Variants in MTRES1 observed in about 807,000 individuals in gnomAD.
MTRES1 encodes the protein mitochondrial transcription rescue factor 1.
MTRES1 carries 11 observed loss-of-function variants against 17.4 expected under a neutral mutation model. The ratio of observed to expected loss-of-function variants is 0.63; its 90% CI spans 0.40 to 1.05. The LOEUF (loss-of-function observed/expected upper bound fraction) is 1.05, where lower values mean the gene tolerates loss of function less well. Ranked by LOEUF, MTRES1 falls within the 50% of genes least tolerant of loss-of-function variation. The probability of loss-of-function intolerance (pLI) is 0.00; values close to 1 mark genes in which losing one functional copy is unlikely to be tolerated. For synonymous variants in MTRES1, 94 were observed against 99.6 expected (o/e 0.94, Z 0.34); for missense variants, 268 against 276.2 (o/e 0.97, Z 0.21).
Position 107,051,132 on chromosome 6 carries a change from C to A in MTRES1, c.619C>A (p.Leu207Ile). The A allele has an allele frequency of 6.2e-7, 1 of 1,613,800 alleles. No individual in the cohort carries two copies. ...EAGTETVMRI[L>I]LKKVFEEKTE... ...AGGAACAGAGACAGTTATGCGGATT[C>A]TCTTGAAAAAAGTGTTTGAAGAGAA... Residue 207 changes from leucine (L) to isoleucine (I), a missense_variant, in exon 4 of 4, where the codon CTC becomes ATC. Transcript: ENST00000311381.
At chr6:107,028,475 C>T (rs1318156734) in intron 1 of MTRES1, 1 of 152,388 alleles carries the variant, frequency 6.6e-6, no homozygotes, top group Admixed American at 6.5e-5. Flanking sequence ...TGCCTCCTGT[C>T]GCTCCTGCTG....
chr6:107,050,340 C>T (rs1478781396), intron 3 of MTRES1, among the ~76,000 whole-genome samples: 2 of 152,220 alleles, frequency 1.3e-5, no homozygotes, highest in African/African-American at 4.8e-5. Flanking sequence ...TTACTGTGCA[C>T]ACAGTCTCTA....
At chr6:107,044,403 G>C in intron 3 of MTRES1, 71 bp downstream of exon 3, 1 of 1,265,056 alleles carries the variant, frequency 7.9e-7, no homozygotes, top group South Asian at 1.3e-5. Flanking sequence ...AATTAATGCT[G>C]TCCCAAATTT....
intron 1 of MTRES1, among the ~76,000 whole-genome samples, chr6:107,031,626 G>A (rs1773845951): frequency 6.7e-6 from 1 of 148,728 alleles, no homozygotes. Context: ...TTTTTGAGAC[G>A]TCTCACTCTT....
intron 3 of MTRES1, among the ~76,000 whole-genome samples, chr6:107,046,873 G>T (rs1269454868): frequency 7.2e-5 from 11 of 152,010 alleles, no homozygotes; most frequent in African/African-American, 2.7e-4. Context: ...GGATCAGTTG[G>T]GTAAAGGAGG....
At chr6:107,039,465 G>A (rs1023713146) in intron 1 of MTRES1, among the ~76,000 whole-genome samples, 2 of 151,778 alleles carry the variant, frequency 1.3e-5, no homozygotes, top group Admixed American at 6.6e-5. Flanking sequence ...GATTACAGGC[G>A]CCTGCCACCA....
chr6:107,030,160 A>G (rs1361711807), intron 1 of MTRES1: 9 of 718,424 alleles, frequency 1.3e-5, no homozygotes, highest in Non-Finnish European at 2.1e-5. Flanking sequence ...TGAATTTGCA[A>G]GAGTCAAATT....
intron 3 of MTRES1, among the ~76,000 whole-genome samples, chr6:107,047,606 C>T (rs782094098): frequency 2.0e-5 from 3 of 151,958 alleles, no homozygotes; most frequent in East Asian, 1.9e-4. Context: ...AATTGTAGGC[C>T]GGGCACAGTG....
intron 1 of MTRES1, among the ~76,000 whole-genome samples, chr6:107,038,944 C>G (rs1774095081): frequency 6.6e-6 from 1 of 152,022 alleles, no homozygotes; most frequent in South Asian, 2.1e-4. Context: ...ATTACAGCTA[C>G]TGGGGAGGCT....
chr6:107,036,112 C>T (rs1773998965), intron 1 of MTRES1, among the ~76,000 whole-genome samples: 1 of 151,994 alleles, frequency 6.6e-6, no homozygotes, highest in East Asian at 1.9e-4. Context: ...ATTAATGCCC[C>T]GATATTCAAA....
Position 107,051,188 on chromosome 6 carries a change from A to G in MTRES1, c.675A>G (p.Leu225=), listed in dbSNP as rs200241235. The G allele has an allele frequency of 1.2e-6, 2 of 1,614,060 alleles. No homozygotes were observed. The highest frequency in any genetic ancestry group is 1.7e-6 in the Non-Finnish European group (2 of 1,180,004). The change falls in exon 4 of 4, where the codon TTA becomes TTG. Residue 225 remains leucine, a synonymous_variant. Transcript: ENST00000311381. ...KTESEKYRVV[L]RRWKSLKLPK... ...AAAGTGAAAAATACAGAGTGGTGTT[A>G]CGGCGGTGGAAAAGTTTAAAGTTGC...
intron 3 of MTRES1, among the ~76,000 whole-genome samples, chr6:107,050,473 C>G (rs1041674190): frequency 6.0e-5 from 9 of 150,772 alleles, no homozygotes; most frequent in Non-Finnish European, 1.2e-4. Flanking sequence ...GGACTATCCA[C>G]AGCCAGCCAG....
In MTRES1 at chr6:107,039,932, CT is replaced by C; in HGVS notation, c.178del (p.Tyr60IlefsTer6). 6.2e-7 allele frequency: 1 copy of C among 1,612,724 alleles called. No individual in the cohort carries two copies. Among genetic ancestry groups the C allele is most frequent in the Non-Finnish European group, 8.5e-7 (1 of 1,178,790 alleles). On this transcript the variant is annotated frameshift_variant, in exon 2 of 4. Transcript: ENST00000311381. LOFTEE classifies it high-confidence loss of function. ...GTTACGTGCACCAAATTATAAAACA[CT>C]TTTTTATAATATTTTCTCACTGAGA... is the stretch of plus-strand genomic sequence containing the variant. Reference protein sequence around the residue: ...TKLRAPNYKTLFYNIFSLRLP... With the variant: ...TKLRAPNYKTXFYNIFSLRLP...
intron 3 of MTRES1, among the ~76,000 whole-genome samples, chr6:107,045,437 T>C (rs1774358100): frequency 6.6e-6 from 1 of 150,740 alleles, no homozygotes; most frequent in African/African-American, 2.4e-5. Flanking sequence ...TGAGCCGAGA[T>C]CGTGCCACTG....
At chr6:107,050,240 A>C (rs1554229006) in intron 3 of MTRES1, among the ~76,000 whole-genome samples, 1 of 152,260 alleles carries the variant, frequency 6.6e-6, no homozygotes. Context: ...TTGAATCAGC[A>C]TCCAACTCTG....
At chr6:107,049,537 C>A (rs11967059) in intron 3 of MTRES1, among the ~76,000 whole-genome samples, 5 of 150,962 alleles carry the variant, frequency 3.3e-5, no homozygotes, top group Non-Finnish European at 5.9e-5. Flanking sequence ...TCTCAGCCTC[C>A]CGAGTAGCTA....
intron 3 of MTRES1, among the ~76,000 whole-genome samples, chr6:107,048,824 A>G (rs1774488767): frequency 6.6e-6 from 1 of 151,500 alleles, no homozygotes; most frequent in African/African-American, 2.4e-5. Flanking sequence ...GCAGAACTAC[A>G]GAAGGGTGGA....
chr6:107,039,996 C>G lies in MTRES1; in HGVS notation c.236C>G (p.Pro79Arg), dbSNP rs782017781. Residue 79 changes from proline to arginine, a missense_variant, in exon 2 of 4, where the codon CCT becomes CGT. Physicochemically the swap from Pro to Arg is moderately radical, Grantham distance 103. Coordinates refer to ENST00000311381, the MANE Select transcript of MTRES1 (RefSeq NM_016487.5). ...TTACTATCTCCAGAATGTATTTTTC[C>G]TTTTTCCGTAAGACTCAAAAGTAAT... is the stretch of plus-strand genomic sequence containing the variant. ...GLLLSPECIF[P>R]FSVRLKSNIR... The G allele has an allele frequency of 6.2e-7, 1 of 1,613,670 alleles. No individual in the cohort carries two copies. Among genetic ancestry groups the G allele is most frequent in the East Asian group, 2.2e-5 (1 of 44,868 alleles).
At chr6:107,037,542 T>C (rs1488291836) in intron 1 of MTRES1, among the ~76,000 whole-genome samples, 1 of 152,206 alleles carries the variant, frequency 6.6e-6, no homozygotes, top group Non-Finnish European at 1.5e-5. Context: ...CGAGACCTCA[T>C]CTCTACTAAA....
Sources: allele counts gnomAD v4.1 joint callset (sites outside exome capture counted in the v4.1 genomes callset), GRCh38; gene constraint gnomAD v4.1.1; transcripts MANE v1.5; gene names NCBI Gene and HGNC (gene_info 2026-07-23, HGNC 2026-07-21).